The following COP1 variants were observed in gnomAD, a reference collection of about 807,000 sequenced individuals.
COP1 encodes the protein E3 ubiquitin-protein ligase COP1.
In COP1, 24 loss-of-function variants were observed where a neutral mutation model predicts 101.3. The observed-to-expected ratio is 0.24, with a 90% confidence interval of 0.17 to 0.33. The LOEUF (loss-of-function observed/expected upper bound fraction) is 0.33, where lower values mean the gene tolerates loss of function less well. Among genes scored for constraint, COP1 ranks in the 10% least tolerant of loss-of-function variants. The probability of loss-of-function intolerance (pLI) is 1.00; values close to 1 mark genes in which losing one functional copy is unlikely to be tolerated. For missense variants in COP1, 663 were observed against 906.2 expected (o/e 0.73, Z 3.45); for synonymous variants, 347 against 341.9 (o/e 1.01, Z -0.17).
Position 176,206,878 on chromosome 1 carries a change from G to C in COP1, c.101C>G (p.Ser34Cys). The change falls in exon 1 of 20, where the codon TCC becomes TGC. Residue 34 changes from serine (S) to cysteine (C), a missense_variant. Physicochemically the swap from Ser to Cys is moderately radical, Grantham distance 112 (BLOSUM62 -1). Coordinates refer to ENST00000367669, the MANE Select transcript of COP1 (RefSeq NM_022457.7). ...AACCGCCACGGAAGGCGGCGACGGG[G>C]AAGAGGATAAAGACGAGGAGGCGGA... The part of the protein sequence containing the change: ...VTSASSSLSS[S>C]PSPPSVAVSA... The C allele has an allele frequency of 6.9e-7, 1 of 1,449,066 alleles. No homozygotes were observed. The highest frequency in any genetic ancestry group is 9.0e-7 in the Non-Finnish European group (1 of 1,105,106). 89.8% of individuals were successfully genotyped at this position (1,449,066 alleles called of 1,614,324 possible).
At chr1:176,142,838 T>C (rs931239396) in intron 6 of COP1, among the ~76,000 whole-genome samples, 6 of 151,636 alleles carry the variant, frequency 4.0e-5, no homozygotes, top group African/African-American at 9.7e-5. Flanking sequence ...AAACAAAATA[T>C]GATGCCAAAA....
rs952463494 is a variant in COP1 at position 175,964,639 on chromosome 1, C to T, written c.2134-17400G>A. Among the ~76,000 whole-genome samples, 61 of 152,272 alleles carry T rather than the reference C, an allele frequency of 4.0e-4. 1 individual carries two copies. Among genetic ancestry groups the T allele is most frequent in the Admixed American group, 1.4e-3 (22 of 15,302 alleles). Reference sequence around the variant, plus strand: ...CTGAATTTTCTTCTTAAAGTGTGCCCACTAAGTTTAAATTGTATGTCCATT... The same window carrying T: ...CTGAATTTTCTTCTTAAAGTGTGCCTACTAAGTTTAAATTGTATGTCCATT... On this transcript the variant is annotated intron_variant, in intron 18 of 19. Coordinates refer to ENST00000367669, the MANE Select transcript of COP1 (RefSeq NM_022457.7).
intron 1 of COP1, among the ~76,000 whole-genome samples, chr1:176,185,719 T>C (rs1698362652): frequency 6.6e-6 from 1 of 152,358 alleles, no homozygotes; most frequent in South Asian, 2.1e-4. Flanking sequence ...AGGATACTGG[T>C]TCCTGGATGA....
At chr1:176,113,452 G>A (rs966432387) in intron 9 of COP1, among the ~76,000 whole-genome samples, 29 of 151,928 alleles carry the variant, frequency 1.9e-4, no homozygotes, top group South Asian at 2.1e-4. Context: ...ATCCCTTGTC[G>A]GATAGATAAT....
chr1:176,111,553 A>T lies in COP1; in HGVS notation c.1026+5071T>A, dbSNP rs1212880317. On this transcript the variant is annotated intron_variant, in intron 9 of 19. Transcript: ENST00000367669. The stretch of plus-strand genomic sequence containing the variant: ...TGCGATCCACCTGCCTTGGCCTCCC[A>T]AAGTGCTGGGATTACAGGCGTGAGC... Among the ~76,000 whole-genome samples the T allele has an allele frequency of 2.0e-5, 3 of 152,214 alleles. No individual in the cohort carries two copies. The East Asian group carries it at 5.8e-4, about 29-fold the overall frequency.
chr1:176,131,759 CTTAAGGATCAT>C (rs1377459690), intron 8 of COP1, among the ~76,000 whole-genome samples: 2 of 151,820 alleles, frequency 1.3e-5, no homozygotes, highest in Non-Finnish European at 2.9e-5. Flanking sequence ...AAATCGTAAT[CTTAAGGATCAT>C]TTTCACTCAA....
At chr1:176,158,630 C>CTTTT (rs35518162) in intron 5 of COP1, among the ~76,000 whole-genome samples, 2,317 of 79,538 alleles carry the variant, frequency 0.029, 6 homozygotes, top group South Asian at 0.041. Context: ...TTTTAAGGTT[C>CTTTT]TTTTTTTTTT....
chr1:175,972,145 A>G (rs547093212), intron 18 of COP1, among the ~76,000 whole-genome samples: 15 of 152,282 alleles, frequency 9.9e-5, no homozygotes, highest in Non-Finnish European at 1.9e-4. Context: ...AACAAATACA[A>G]AAGGTGGTTC....
At chr1:176,178,976 T>C (rs1194156554) in intron 2 of COP1, among the ~76,000 whole-genome samples, 1 of 151,832 alleles carries the variant, frequency 6.6e-6, no homozygotes. Context: ...GGAGAATTTT[T>C]TTTTTTTAGT....
intron 14 of COP1, among the ~76,000 whole-genome samples, chr1:176,028,703 A>ATG (rs2149078667): frequency 8.4e-6 from 1 of 119,258 alleles, no homozygotes; most frequent in South Asian, 2.6e-4. Context: ...TTTCATATAT[A>ATG]TATATATATA....
At chr1:176,169,678 T>C (rs137921574) in intron 3 of COP1, among the ~76,000 whole-genome samples, 22 of 152,346 alleles carry the variant, frequency 1.4e-4, no homozygotes, top group African/African-American at 5.1e-4. Flanking sequence ...ATCTTTTTGC[T>C]GGTAGAGAGT....
chr1:176,180,096 C>G (rs1697542908), intron 2 of COP1, among the ~76,000 whole-genome samples: 1 of 152,158 alleles, frequency 6.6e-6, no homozygotes, highest in Non-Finnish European at 1.5e-5. Context: ...GAAATAGTTA[C>G]TATCTTATCT....
rs141352196 is a variant in COP1 at position 176,054,898 on chromosome 1, T to C, written c.1278-8574A>G. The stretch of plus-strand genomic sequence containing the variant: ...TTTTCCATAACCTCTCCTCTCGTTC[T>C]CTTTAACTCACTGGAATCAAGCTTT... On this transcript the variant is annotated intron_variant, in intron 11 of 19. Transcript: ENST00000367669. Among the ~76,000 whole-genome samples the C allele has an allele frequency of 7.8e-3, 1,188 of 152,360 alleles. 13 individuals carry two copies. The highest frequency in any genetic ancestry group is 0.027 in the African/African-American group (1,125 of 41,592).
intron 18 of COP1, among the ~76,000 whole-genome samples, chr1:175,953,365 A>AT (rs1313925676): frequency 6.6e-6 from 1 of 152,174 alleles, no homozygotes. Context: ...AACCAACTGT[A>AT]TTGATAATTA....
intron 1 of COP1, among the ~76,000 whole-genome samples, chr1:176,203,395 T>C (rs534344286): frequency 6.6e-6 from 1 of 152,298 alleles, no homozygotes; most frequent in South Asian, 2.1e-4. Context: ...CATGCAAACG[T>C]ATACTTCTGC....
chr1:176,077,144 T>TA (rs1678199089), intron 11 of COP1, among the ~76,000 whole-genome samples: 1 of 152,260 alleles, frequency 6.6e-6, no homozygotes, highest in East Asian at 1.9e-4. Context: ...ATCATCCTGA[T>TA]ACCAAAATCT....
intron 18 of COP1, among the ~76,000 whole-genome samples, chr1:175,950,382 G>A (rs1398484369): frequency 1.3e-5 from 2 of 152,094 alleles, no homozygotes; most frequent in African/African-American, 4.8e-5. Flanking sequence ...CAGATAGCTA[G>A]ATATTGGCTT....
intron 15 of COP1, among the ~76,000 whole-genome samples, chr1:176,007,598 C>G: frequency 6.6e-6 from 1 of 151,828 alleles, no homozygotes; most frequent in Non-Finnish European, 1.5e-5. Flanking sequence ...TTGGAATACC[C>G]TGCCGTGTGA....
chr1:176,206,961 C>T lies in COP1; in HGVS notation c.18G>A (p.Gln6=). 2 of 1,426,818 alleles carry T rather than the reference C, an allele frequency of 1.4e-6. No homozygotes were observed. Among genetic ancestry groups the T allele is most frequent in the Non-Finnish European group, 1.8e-6 (2 of 1,094,706 alleles). 88.4% of individuals were successfully genotyped at this position (1,426,818 alleles called of 1,614,324 possible). A position where few individuals can be genotyped will look rare whatever the true frequency, so the allele number is the denominator to read the frequency against. Residue 6 remains glutamine, a synonymous_variant, in exon 1 of 20, where the codon CAG becomes CAA. Transcript: ENST00000367669. The stretch of plus-strand genomic sequence containing the variant: ...TTGTCCCAGCGGAGCCCGACCCGGC[C>T]TGGCGGCTACCAGACATCGTGACTC... MSGSR[Q]AGSGSAGTSP... is the part of the protein sequence containing the mutation.
Sources: gnomAD v4.1 joint callset for allele counts (sites outside exome capture counted in the v4.1 genomes callset) on GRCh38, gnomAD v4.1.1 for gene constraint, MANE v1.5 for transcripts, NCBI Gene and HGNC (gene_info 2026-07-23, HGNC 2026-07-21) for gene names.